Variants in FHIT observed in about 807,000 individuals in gnomAD.
FHIT encodes the protein bis(5'-adenosyl)-triphosphatase.
In FHIT, 19 loss-of-function variants were observed where a neutral mutation model predicts 17.9. That is an observed-to-expected ratio of 1.06 (90% CI 0.74 to 1.56). The LOEUF is 1.56. FHIT is among the 40% of genes most tolerant of loss of function. FHIT has a pLI of 0.00. For missense variants in FHIT, 248 were observed against 189.2 expected (o/e 1.31, Z -1.82); for synonymous variants, 81 against 69.7 (o/e 1.16, Z -0.81).
intron 5 of FHIT, among the ~76,000 whole-genome samples, chr3:60,040,133 TTC>T (rs1701375923): frequency 6.8e-6 from 1 of 147,306 alleles, no homozygotes; most frequent in African/African-American, 2.5e-5. Context: ...AATAATTTCC[TTC>T]TTTCTTTTTA....
chr3:60,020,030 C>T (rs867364171), intron 5 of FHIT, among the ~76,000 whole-genome samples: 51 of 152,264 alleles, frequency 3.3e-4, no homozygotes, highest in African/African-American at 8.9e-4. Context: ...TGAGAATGGG[C>T]ACGCGACATG....
At chr3:60,480,886 G>T (rs1017384395) in intron 5 of FHIT, among the ~76,000 whole-genome samples, 1 of 152,186 alleles carries the variant, frequency 6.6e-6, no homozygotes, top group African/African-American at 2.4e-5. Flanking sequence ...TACCATTCTG[G>T]GGTCTAGAGG....
chr3:60,960,228 G>A (rs78946330), intron 3 of FHIT, among the ~76,000 whole-genome samples: 2,285 of 152,176 alleles, frequency 0.015, 61 homozygotes, highest in African/African-American at 0.052. Context: ...ACGTCAGCAG[G>A]AACTAAGAGC....
chr3:60,018,620 T>C (rs1308771609), intron 5 of FHIT, among the ~76,000 whole-genome samples: 1 of 152,136 alleles, frequency 6.6e-6, no homozygotes, highest in African/African-American at 2.4e-5. Flanking sequence ...GCCACTGACT[T>C]CCAGTTTCTA....
chr3:60,025,354 C>G (rs11130750), intron 5 of FHIT, among the ~76,000 whole-genome samples: 3,209 of 152,194 alleles, frequency 0.021, 116 homozygotes, highest in African/African-American at 0.073. Context: ...CTGACCCCAA[C>G]TAAGATAAGA....
intron 3 of FHIT, among the ~76,000 whole-genome samples, chr3:60,833,022 G>C (rs530611509): frequency 1.3e-5 from 2 of 152,304 alleles, no homozygotes; most frequent in South Asian, 2.1e-4. Context: ...CCTGGTTGTT[G>C]ATATTTATAG....
intron 5 of FHIT, among the ~76,000 whole-genome samples, chr3:60,064,240 A>G (rs1369670198): frequency 6.6e-6 from 1 of 152,226 alleles, no homozygotes; most frequent in Non-Finnish European, 1.5e-5. Flanking sequence ...ATAATTACCT[A>G]GTAATAATAA....
intron 7 of FHIT, among the ~76,000 whole-genome samples, chr3:59,977,293 A>G (rs1708457164): frequency 6.6e-6 from 1 of 152,134 alleles, no homozygotes; most frequent in African/African-American, 2.4e-5. Flanking sequence ...CCATCTATCA[A>G]GGCCTCTTTT....
chr3:60,434,181 C>T (rs1022664573), intron 5 of FHIT, among the ~76,000 whole-genome samples: 4 of 151,978 alleles, frequency 2.6e-5, no homozygotes, highest in African/African-American at 7.2e-5. Context: ...TTGTCTGTAC[C>T]GTTTCTCTCA....
intron 2 of FHIT, among the ~76,000 whole-genome samples, chr3:61,199,153 C>T (rs2038941989): frequency 6.6e-6 from 1 of 152,302 alleles, no homozygotes; most frequent in Middle Eastern, 3.4e-3. Context: ...CATGACTAAA[C>T]CCATGTCTGA....
At chr3:60,653,692 A>C (rs1360332663) in intron 4 of FHIT, among the ~76,000 whole-genome samples, 1 of 152,220 alleles carries the variant, frequency 6.6e-6, no homozygotes, top group Non-Finnish European at 1.5e-5. Flanking sequence ...GGTGGCCTAC[A>C]AAATAAGAAT....
chr3:59,918,305 C>T (rs1705232939), intron 8 of FHIT, among the ~76,000 whole-genome samples: 1 of 151,972 alleles, frequency 6.6e-6, no homozygotes, highest in Admixed American at 6.6e-5. Context: ...AAGACTGTAA[C>T]ACATAATTGG....
chr3:59,773,891 T>A, intron 8 of FHIT, among the ~76,000 whole-genome samples: 1 of 152,204 alleles, frequency 6.6e-6, no homozygotes. Flanking sequence ...AGGTGTAAAG[T>A]ACATACCAGA....
rs534843643 is a variant in FHIT, at chr3:60,133,944, G to A, written c.104-119792C>T. 1.0e-4 allele frequency among the ~76,000 whole-genome samples: 15 copies of A among 150,602 alleles called. No individual in the cohort carries two copies. In the South Asian group the frequency reaches 1.5e-3, roughly 15 times the overall value. ...GTCATTCAATCTAAAATCAGACTTC[G>A]TGCCAGCTGGAATCCTAGGTTTATT... On this transcript the variant is annotated intron_variant, in intron 5 of 9. Transcript: ENST00000492590.
chr3:60,545,962 T>G (rs2036346390), intron 4 of FHIT, among the ~76,000 whole-genome samples: 1 of 152,234 alleles, frequency 6.6e-6, no homozygotes. Context: ...TATTGTTTTC[T>G]GTACCTCAAA....
chr3:60,790,260 C>T (rs782727827), intron 4 of FHIT, among the ~76,000 whole-genome samples: 9 of 152,038 alleles, frequency 5.9e-5, no homozygotes, highest in Admixed American at 3.3e-4. Flanking sequence ...GTAAGGAAAG[C>T]GGAATTTACA....
At chr3:59,773,327 A>T (rs1011817337) in intron 8 of FHIT, among the ~76,000 whole-genome samples, 3 of 152,154 alleles carry the variant, frequency 2.0e-5, no homozygotes, top group Non-Finnish European at 4.4e-5. Context: ...AAATATGGGC[A>T]ACTGTGGGAG....
At position 60,326,837 on chromosome 3, in the gene FHIT, A is replaced by G. The variant is rs41455050; in HGVS notation, c.103+210023T>C. ...CATTGCTGAAGAAGAGAAATGTAAA[A>G]ATGCTTTCTGGAAGAAGAATTTCAC... On this transcript the variant is annotated intron_variant, in intron 5 of 9. Transcript: ENST00000492590. Among the ~76,000 whole-genome samples the G allele has an allele frequency of 9.9e-3, 1,510 of 152,286 alleles. 25 individuals are homozygous for G. The highest frequency in any genetic ancestry group is 0.032 in the African/African-American group (1,323 of 41,534).
intron 8 of FHIT, among the ~76,000 whole-genome samples, chr3:59,848,073 C>T (rs1225398100): frequency 6.6e-6 from 1 of 152,156 alleles, no homozygotes; most frequent in African/African-American, 2.4e-5. Flanking sequence ...AATCAGTAAT[C>T]AGAATACAGA....
Sources: gnomAD v4.1 joint callset for allele counts (sites outside exome capture counted in the v4.1 genomes callset) on GRCh38, gnomAD v4.1.1 for gene constraint, MANE v1.5 for transcripts, NCBI Gene and HGNC (gene_info 2026-07-23, HGNC 2026-07-21) for gene names.